Variants in AKAP13 observed in about 807,000 individuals in gnomAD.
AKAP13 encodes the protein A-kinase anchor protein 13.
AKAP13 carries 80 observed loss-of-function variants against 264.5 expected under a neutral mutation model. The observed-to-expected ratio is 0.30, with a 90% CI of 0.25 to 0.36. The LOEUF (loss-of-function observed/expected upper bound fraction) is 0.36, where lower values mean the gene tolerates loss of function less well. Ranked by LOEUF, AKAP13 falls within the 10% of genes least tolerant of loss-of-function variation. The pLI is 1.00. For synonymous variants in AKAP13, 1,380 were observed against 1,250.2 expected (o/e 1.10, Z -2.19); for missense variants, 3,712 against 3,435.2 (o/e 1.08, Z -2.01).
At chr15:85,387,108 G>A (rs1420832063) in intron 1 of AKAP13, among the ~76,000 whole-genome samples, 3 of 152,024 alleles carry the variant, frequency 2.0e-5, no homozygotes, top group African/African-American at 7.2e-5. Context: ...GCTGAGGCGG[G>A]TGGATCACCT....
intron 22 of AKAP13, 49 bp from the exon 23 acceptor site, chr15:85,719,027 A>G: frequency 1.9e-6 from 3 of 1,600,486 alleles, no homozygotes; most frequent in Non-Finnish European, 2.6e-6. Context: ...TTGAGGGCGA[A>G]TGCTTATAAA....
chr15:85,498,226 A>C lies in AKAP13; in HGVS notation c.33+12473A>C, dbSNP rs945373984. The stretch of plus-strand genomic sequence containing the variant: ...TATATATATATATATATATATATAT[A>C]TCACATTGAGCGAGATCATAGATAA... On this transcript the variant is annotated intron_variant, in intron 2 of 36. Transcript: ENST00000394518. Among the ~76,000 whole-genome samples the C allele has an allele frequency of 9.8e-4, 128 of 130,466 alleles. 1 individual carries two copies. The highest frequency in any genetic ancestry group is 3.2e-3 in the African/African-American group (114 of 35,132). The allele number at this position is 130,466 out of a possible 152,430, so 85.6% of individuals were successfully genotyped here. A position where few individuals can be genotyped will look rare whatever the true frequency, so the allele number is the denominator to read the frequency against.
At chr15:85,619,917 T>C in intron 8 of AKAP13, 1 of 1,435,230 alleles carries the variant, frequency 7.0e-7, no homozygotes, top group South Asian at 1.5e-5. Flanking sequence ...GCTTGATTTC[T>C]TTTTAATTCA....
chr15:85,386,543 C>A (rs2070571572), intron 1 of AKAP13, among the ~76,000 whole-genome samples: 1 of 152,122 alleles, frequency 6.6e-6, no homozygotes, highest in Admixed American at 6.5e-5. Context: ...CCCACCGCAG[C>A]CTCCCAAAGT....
At chr15:85,540,916 C>T (rs2077562867) in intron 4 of AKAP13, among the ~76,000 whole-genome samples, 1 of 152,186 alleles carries the variant, frequency 6.6e-6, no homozygotes, top group Non-Finnish European at 1.5e-5. Context: ...CAAACATGCT[C>T]ATCGAAGAAG....
At chr15:85,491,220 A>G (rs1281054634) in intron 2 of AKAP13, among the ~76,000 whole-genome samples, 1 of 151,754 alleles carries the variant, frequency 6.6e-6, no homozygotes, top group Non-Finnish European at 1.5e-5. Flanking sequence ...TCACATCTGA[A>G]CCCTACTACA....
chr15:85,526,887 A>G (rs1331769518), intron 3 of AKAP13, among the ~76,000 whole-genome samples: 2 of 152,116 alleles, frequency 1.3e-5, no homozygotes, highest in African/African-American at 2.4e-5. Flanking sequence ...TAGTGGTTAT[A>G]CTGGAAAAAC....
chr15:85,442,930 C>A (rs1475889974), intron 1 of AKAP13, among the ~76,000 whole-genome samples: 1 of 152,148 alleles, frequency 6.6e-6, no homozygotes, highest in Non-Finnish European at 1.5e-5. Context: ...ATTAAAATTA[C>A]ATTAAAATAG....
chr15:85,639,534 C>G (rs2082209937), intron 9 of AKAP13, 85 bp downstream of exon 9: 2 of 976,354 alleles, frequency 2.0e-6, no homozygotes, highest in Admixed American at 3.6e-5. Flanking sequence ...CCTTCCTTAG[C>G]ATGTTATACA....
intron 1 of AKAP13, among the ~76,000 whole-genome samples, chr15:85,459,746 G>T (rs979595539): frequency 1.3e-5 from 2 of 152,128 alleles, no homozygotes; most frequent in African/African-American, 4.8e-5. Flanking sequence ...TGATCCGCCT[G>T]CCTCAGCCTC....
intron 1 of AKAP13, among the ~76,000 whole-genome samples, chr15:85,449,654 G>A (rs566184206): frequency 6.6e-6 from 1 of 152,246 alleles, no homozygotes; most frequent in East Asian, 1.9e-4. Flanking sequence ...TTTATCAAAA[G>A]CCTTTTCTGT....
intron 8 of AKAP13, among the ~76,000 whole-genome samples, chr15:85,618,623 G>A (rs1384032750): frequency 6.6e-6 from 1 of 152,148 alleles, no homozygotes; most frequent in Non-Finnish European, 1.5e-5. Context: ...GTTAGATAGA[G>A]TGGGGGGCTA....
At chr15:85,509,586 A>AC (rs2076351348) in intron 2 of AKAP13, among the ~76,000 whole-genome samples, 1 of 152,164 alleles carries the variant, frequency 6.6e-6, no homozygotes, top group Non-Finnish European at 1.5e-5. Context: ...CTTTGCTGTG[A>AC]CCGTGCCTTA....
intron 8 of AKAP13, among the ~76,000 whole-genome samples, chr15:85,627,949 A>G (rs2081505493): frequency 6.6e-6 from 1 of 152,194 alleles, no homozygotes; most frequent in Non-Finnish European, 1.5e-5. Context: ...TTTAAAGCCT[A>G]CCTCATATAC....
chr15:85,404,749 A>C (rs1354404263), intron 1 of AKAP13, among the ~76,000 whole-genome samples: 1 of 152,208 alleles, frequency 6.6e-6, no homozygotes, highest in Non-Finnish European at 1.5e-5. Context: ...TTTAGTACCT[A>C]GCTCCCAGCT....
rs1296892874 is a variant in AKAP13, at chr15:85,442,507, A to ATT, written c.-11-43202_-11-43201insTT. Among the ~76,000 whole-genome samples, 42 of 112,658 alleles carry ATT rather than the reference A, an allele frequency of 3.7e-4. No homozygotes were observed. The South Asian group carries it at 0.011, about 30-fold the overall frequency. 73.9% of individuals were successfully genotyped at this position (112,658 alleles called of 152,430 possible). ...ATATATATAATATATATTATATTAT[A>ATT]TATAATATATATTATATTATATATA... On this transcript the variant is annotated intron_variant, in intron 1 of 36. Transcript: ENST00000394518.
At chr15:85,723,007 A>T (rs541014688) in intron 25 of AKAP13, 65 bp from the exon 26 acceptor site, 136 of 1,565,486 alleles carry the variant, frequency 8.7e-5, no homozygotes, top group Non-Finnish European at 1.1e-4. Flanking sequence ...AGAAGTCAGG[A>T]TTCCCTTGCT....
rs2087929650 is a variant in AKAP13 at position 85,730,542 on chromosome 15, C to G, written c.7117C>G (p.Leu2373Val). The part of the protein sequence containing the change: ...EQLHQKDQKI[L>V]LLLEEKEMIF... ...ACTTCACCAGAAGGACCAAAAAATC[C>G]TACTCTTGTTGGAAGAGAAGGAGAT... Residue 2373 changes from leucine to valine, a missense_variant, in exon 30 of 37, where the codon CTA (leucine) becomes GTA (valine). Around this residue, in one of 3 missense-constraint regions of AKAP13, gnomAD observed 342 missense variants for 484.3 expected, o/e 0.71. Transcript: ENST00000394518. The G allele has an allele frequency of 1.2e-6, 2 of 1,614,072 alleles. No homozygotes were observed. The highest frequency in any genetic ancestry group is 1.7e-6 in the Non-Finnish European group (2 of 1,179,982).
At chr15:85,412,783 AAC>A (rs1416314943) in intron 1 of AKAP13, among the ~76,000 whole-genome samples, 1 of 152,240 alleles carries the variant, frequency 6.6e-6, no homozygotes, top group African/African-American at 2.4e-5. Context: ...TTATAGAAAC[AAC>A]ACAGAGGAAA....
Sources: allele counts gnomAD v4.1 joint callset (sites outside exome capture counted in the v4.1 genomes callset), GRCh38; gene constraint gnomAD v4.1.1; regional missense constraint gnomAD v4.1.1; transcripts MANE v1.5; gene names NCBI Gene and HGNC (gene_info 2026-07-23, HGNC 2026-07-21).